Variants in RIT2 observed in about 807,000 individuals in gnomAD.
RIT2 encodes the protein Ras like without CAAX 2, also known as GTP-binding protein Rit2.
RIT2 carries 24 observed loss-of-function variants against 23.7 expected under a neutral mutation model. The observed-to-expected ratio is 1.01, with a 90% CI of 0.73 to 1.43. RIT2 has a LOEUF of 1.43. Ranked by LOEUF, RIT2 falls within the 40% of genes most tolerant of loss-of-function variation. RIT2 has a pLI of 0.00. For synonymous variants in RIT2, 107 were observed against 91.1 expected (o/e 1.17, Z -0.99); for missense variants, 236 against 266.9 (o/e 0.88, Z 0.81).
At chr18:42,765,346 T>C (rs1913396276) in intron 4 of RIT2, among the ~76,000 whole-genome samples, 1 of 152,212 alleles carries the variant, frequency 6.6e-6, no homozygotes, top group African/African-American at 2.4e-5. Flanking sequence ...TTATCTTCTC[T>C]GAGACTTGTT....
At chr18:43,008,405 A>C (rs1354330125) in intron 2 of RIT2, among the ~76,000 whole-genome samples, 1 of 151,412 alleles carries the variant, frequency 6.6e-6, no homozygotes, top group Admixed American at 6.6e-5. Flanking sequence ...AAAAATTTTA[A>C]AGTGATTTCA....
intron 1 of RIT2, among the ~76,000 whole-genome samples, chr18:43,059,691 A>G (rs1912597117): frequency 6.6e-6 from 1 of 152,148 alleles, no homozygotes; most frequent in African/African-American, 2.4e-5. Context: ...CCACTTATTA[A>G]CTTGACTTGT....
At chr18:42,914,282 T>C (rs556909805) in intron 4 of RIT2, among the ~76,000 whole-genome samples, 1 of 152,222 alleles carries the variant, frequency 6.6e-6, no homozygotes, top group African/African-American at 2.4e-5. Flanking sequence ...TCTAGCAATT[T>C]TGCTCTTGCG....
At chr18:42,750,332 A>G (rs522755) in intron 4 of RIT2, among the ~76,000 whole-genome samples, 148,524 of 151,828 alleles carry the variant, frequency 0.98, 72,742 homozygotes, top group Middle Eastern at 1. Context: ...TTTTCTGGGC[A>G]CCTTTAATAA....
intron 4 of RIT2, among the ~76,000 whole-genome samples, chr18:42,755,110 T>G (rs1913131320): frequency 6.6e-6 from 1 of 152,198 alleles, no homozygotes; most frequent in Admixed American, 6.5e-5. Context: ...CCTAGTATAC[T>G]GTGTACTCCC....
chr18:43,090,404 C>T (rs1292343836), intron 1 of RIT2, among the ~76,000 whole-genome samples: 7 of 152,020 alleles, frequency 4.6e-5, no homozygotes, highest in Non-Finnish European at 8.8e-5. Flanking sequence ...GAAAAAGAAA[C>T]ACTTATACGC....
intron 1 of RIT2, among the ~76,000 whole-genome samples, chr18:43,054,309 G>A (rs763309026): frequency 3.3e-5 from 5 of 152,078 alleles, no homozygotes; most frequent in Non-Finnish European, 5.9e-5. Context: ...GTTAAAAGGT[G>A]TCTCTTTGAG....
At chr18:42,821,033 A>G (rs1906133415) in intron 4 of RIT2, among the ~76,000 whole-genome samples, 2 of 152,014 alleles carry the variant, frequency 1.3e-5, no homozygotes, top group South Asian at 4.1e-4. Flanking sequence ...CTGCCCCTTC[A>G]TCTTCCCCCA....
At chr18:42,970,663 C>T (rs1469436414) in intron 3 of RIT2, among the ~76,000 whole-genome samples, 5 of 151,854 alleles carry the variant, frequency 3.3e-5, no homozygotes, top group African/African-American at 4.8e-5. Context: ...AATTTTTGAT[C>T]CTTTATGGTA....
At chr18:42,979,172 G>A (rs781184245) in intron 2 of RIT2, among the ~76,000 whole-genome samples, 1 of 151,630 alleles carries the variant, frequency 6.6e-6, no homozygotes, top group Admixed American at 6.6e-5. Context: ...AAAAGTGTAA[G>A]GTATTCTGGA....
chr18:43,112,347 G>A (rs1243293631), intron 1 of RIT2, among the ~76,000 whole-genome samples: 2 of 152,148 alleles, frequency 1.3e-5, no homozygotes, highest in African/African-American at 4.8e-5. Flanking sequence ...TTAGGACTGA[G>A]TATAAGCGTG....
At position 43,047,634 on chromosome 18, in the gene RIT2, C is replaced by T. The variant is rs1368104123; in HGVS notation, c.104-13767G>A. Reference sequence around the variant, plus strand: ...TAAAATTATTATATTTATAAACTAACATATGAGGAGTCTACAAATGAGAAG... The same window carrying T: ...TAAAATTATTATATTTATAAACTAATATATGAGGAGTCTACAAATGAGAAG... On this transcript the variant is annotated intron_variant, in intron 1 of 4. Transcript: ENST00000326695. Among the ~76,000 whole-genome samples, 5 of 151,902 alleles carry T rather than the reference C, an allele frequency of 3.3e-5. No individual in the cohort carries two copies. The South Asian group carries it at 1.0e-3, about 32-fold the overall frequency.
rs550294803 is a variant in RIT2, at chr18:42,803,886, T to G, written c.427-60166A>C. The stretch of plus-strand genomic sequence containing the variant: ...CTTTAAGAAACAGAAGTTGTTATAT[T>G]GGCTAGCATAGAACTGGATCCTGAA... On this transcript the variant is annotated intron_variant, in intron 4 of 4. Transcript: ENST00000326695. 9.3e-4 allele frequency among the ~76,000 whole-genome samples: 142 copies of G among 152,344 alleles called. No individual in the cohort carries two copies. The Middle Eastern group carries it at 0.014, about 15-fold the overall frequency.
chr18:43,105,490 G>GAGGAAGGGAGGAAGGA (rs1913796197), intron 1 of RIT2, among the ~76,000 whole-genome samples: 4 of 118,310 alleles, frequency 3.4e-5, no homozygotes, highest in Non-Finnish European at 5.2e-5. Context: ...GGGAGGAAGG[G>GAGGAAGGGAGGAAGGA]AGGAAGAAAG....
At chr18:42,863,874 A>G (rs1383417855) in intron 4 of RIT2, among the ~76,000 whole-genome samples, 1 of 152,174 alleles carries the variant, frequency 6.6e-6, no homozygotes, top group Admixed American at 6.5e-5. Flanking sequence ...AATAAGTCTA[A>G]ATAAACTAGT....
intron 4 of RIT2, among the ~76,000 whole-genome samples, chr18:42,918,187 G>T (rs1380986491): frequency 6.6e-6 from 1 of 152,098 alleles, no homozygotes; most frequent in African/African-American, 2.4e-5. Context: ...CTGAAAGAGT[G>T]CTTGTTACCC....
intron 4 of RIT2, among the ~76,000 whole-genome samples, chr18:42,751,763 T>C (rs1423511679): frequency 6.6e-6 from 1 of 152,012 alleles, no homozygotes; most frequent in Admixed American, 6.6e-5. Context: ...ATAACATTAA[T>C]TTTCACATTT....
chr18:42,851,833 T>G (rs1181812033), intron 4 of RIT2, among the ~76,000 whole-genome samples: 1 of 152,092 alleles, frequency 6.6e-6, no homozygotes, highest in Non-Finnish European at 1.5e-5. Context: ...ACCAAGACTC[T>G]GTCTCATAAA....
chr18:42,833,673 A>G (rs1459120919), intron 4 of RIT2, among the ~76,000 whole-genome samples: 1 of 152,156 alleles, frequency 6.6e-6, no homozygotes, highest in East Asian at 1.9e-4. Context: ...CAAAATCCCA[A>G]GTTATCTCAA....
Sources: gnomAD v4.1 joint callset for allele counts (sites outside exome capture counted in the v4.1 genomes callset) on GRCh38, gnomAD v4.1.1 for gene constraint, MANE v1.5 for transcripts, NCBI Gene and HGNC (gene_info 2026-07-23, HGNC 2026-07-21) for gene names.